Variants in PER1 observed in about 807,000 individuals in gnomAD.
The protein encoded by PER1 is period circadian regulator 1, also known as period circadian protein homolog 1.
In PER1, 87 loss-of-function variants were observed where a neutral mutation model predicts 125.9. That is an observed-to-expected ratio of 0.69 (90% CI 0.58 to 0.83). The LOEUF is 0.83. Among genes scored for constraint, PER1 ranks in the 40% least tolerant of loss-of-function variants. The pLI, the probability that PER1 is intolerant of heterozygous loss-of-function variation, is 0.00. For synonymous variants in PER1, 801 were observed against 714.7 expected (o/e 1.12, Z -1.93); for missense variants, 1,775 against 1,722.8 (o/e 1.03, Z -0.54).
chr17:8,149,265 C>A lies in PER1; in HGVS notation c.899G>T (p.Arg300Leu). 2.5e-6 allele frequency: 4 copies of A among 1,613,096 alleles called. No homozygotes were observed. Among genetic ancestry groups the A allele is most frequent in the Non-Finnish European group, 3.4e-6 (4 of 1,179,568 alleles). Residue 300 changes from arginine to leucine, a missense_variant, in exon 7 of 23, where the codon CGT becomes CTT. Coordinates refer to ENST00000317276, the MANE Select transcript of PER1 (RefSeq NM_002616.3). ...DFTQEKSVFC[R>L]IRGGPDRDPG... ...TCCAGTTCCCCTCACCTACCTGATA[C>A]GGCAGAAGACGGACTTCTCCTGGGT... is the stretch of plus-strand genomic sequence containing the variant.
Position 8,150,693 on chromosome 17 carries a change from AGGGGGC to A in PER1, c.8_13del (p.Gly3_Leu5delinsVal). On this transcript the variant is annotated inframe_deletion, in exon 2 of 23. Transcript: ENST00000317276. Reference sequence around the variant, plus strand: ...GTCCCCTCCCCCATCAGCCCCTTCTAGGGGGCCACTCATGTCTGGGCCATGGGGAGA... The same window carrying A: ...GTCCCCTCCCCCATCAGCCCCTTCTACACTCATGTCTGGGCCATGGGGAGA... 1.9e-6 allele frequency: 3 copies of A among 1,564,574 alleles called. No individual in the cohort carries two copies. The highest frequency in any genetic ancestry group is 1.2e-5 in the South Asian group (1 of 84,454).
At chr17:8,141,473 C>T in intron 22 of PER1, 133 bp from the exon 23 acceptor site, 1 of 1,071,908 alleles carries the variant, frequency 9.3e-7, no homozygotes, top group Non-Finnish European at 1.3e-6. Context: ...CACAGATGCA[C>T]CTGCGGTCCA....
At chr17:8,147,912 C>T in intron 10 of PER1, 85 bp from the exon 11 acceptor site, 1 of 1,584,096 alleles carries the variant, frequency 6.3e-7, no homozygotes, top group East Asian at 2.3e-5. Flanking sequence ...TCCAGGAGAC[C>T]AAGGCACCAA....
chr17:8,150,710 T>A lies in PER1; in HGVS notation c.-4A>T. On this transcript the variant is annotated 5_prime_UTR_variant, in exon 2 of 23. Coordinates refer to ENST00000317276, the MANE Select transcript of PER1 (RefSeq NM_002616.3). ...CCCCTTCTAGGGGGCCACTCATGTC[T>A]GGGCCATGGGGAGAACAGAACAGAG... 1 of 1,543,360 alleles carries A rather than the reference T, an allele frequency of 6.5e-7. No homozygotes were observed. Among genetic ancestry groups the A allele is most frequent in the Non-Finnish European group, 8.7e-7 (1 of 1,152,374 alleles).
Position 8,150,624 on chromosome 17 carries a change from G to A in PER1, c.83C>T (p.Pro28Leu), listed in dbSNP as rs1404334545. The A allele has an allele frequency of 8.1e-6, 13 of 1,612,764 alleles. No homozygotes were observed. Among genetic ancestry groups the A allele is most frequent in the Non-Finnish European group, 8.5e-6 (10 of 1,179,604 alleles). The change falls in exon 2 of 23, where the codon CCT becomes CTT. Residue 28 changes from proline (P) to leucine (L), a missense_variant. Coordinates refer to ENST00000317276, the MANE Select transcript of PER1 (RefSeq NM_002616.3). ...ESFCPGGVPS[P>L]GPPQHRPCPG... ...GCAAGGCCGGTGCTGTGGGGGCCCA[G>A]GGGATGGGACGCCCCCAGGACAAAA...
chr17:8,141,834 C>T lies in PER1; in HGVS notation c.3571G>A (p.Gly1191Ser), dbSNP rs1156737148. The change falls in exon 22 of 23, where the codon GGC (glycine) becomes AGC (serine). Residue 1191 changes from glycine to serine, a missense_variant. Gly to Ser is a moderately conservative substitution (Grantham distance 56). Coordinates refer to ENST00000317276, the MANE Select transcript of PER1 (RefSeq NM_002616.3). ...LGAVHSWVRKGQLPRALDVMA... is the reference protein window; with the variant it reads ...LGAVHSWVRKSQLPRALDVMA... ...ACATCAAGAGCCCGAGGCAGTTGGC[C>T]CTTCCGGACCCAGGAGTGCACAGCA... The T allele has an allele frequency of 6.2e-7, 1 of 1,614,008 alleles. No homozygotes were observed. The highest frequency in any genetic ancestry group is 1.3e-5 in the African/African-American group (1 of 74,984).
At chr17:8,149,175 T>C in intron 7 of PER1, 84 bp downstream of exon 7, 10 of 1,247,554 alleles carry the variant, frequency 8.0e-6, no homozygotes, top group Non-Finnish European at 1.2e-5. Flanking sequence ...GGTGACAGAG[T>C]GAGACTCCCT....
In PER1 at chr17:8,149,564, C is replaced by A; in HGVS notation, c.751G>T (p.Gly251Cys). ...LLRCKRDVFR[G>C]TRFSELLAPQ... The stretch of plus-strand genomic sequence containing the variant: ...GCCAGGAGCTCAGAGAAGCGGGTAC[C>A]CCGGAACACGTCCCGCTTGCAACGC... Residue 251 changes from glycine (G) to cysteine (C), a missense_variant, in exon 6 of 23, where the codon GGT (glycine) becomes TGT (cysteine). Transcript: ENST00000317276. The A allele has an allele frequency of 6.2e-7, 1 of 1,613,880 alleles. No individual in the cohort carries two copies.
chr17:8,149,497 G>C lies in PER1; in HGVS notation c.818C>G (p.Ser273Cys). The change falls in exon 6 of 23, where the codon TCT becomes TGT. Residue 273 changes from serine to cysteine, a missense_variant. By Grantham distance (112) the Ser-to-Cys change is moderately radical. Transcript: ENST00000317276. The part of the protein sequence containing the change: ...VGVFYGSTAP[S>C]RLPTWGTGAS... ...CCCTGTGCCCCAGGTGGGCAGGCGA[G>C]ATGGAGCAGTGGAACCATAGAAGAC... The C allele has an allele frequency of 1.2e-6, 2 of 1,613,852 alleles. No homozygotes were observed. The highest frequency in any genetic ancestry group is 2.2e-5 in the East Asian group (1 of 44,878).
At chr17:8,142,007 A>T in intron 21 of PER1, 52 bp from the exon 22 acceptor site, 2 of 1,606,958 alleles carry the variant, frequency 1.2e-6, no homozygotes. Flanking sequence ...GACCCGGACC[A>T]GGACCCATGA....
Position 8,149,536 on chromosome 17 carries a change from G to A in PER1, c.779C>T (p.Pro260Leu), listed in dbSNP as rs1204614099. Reference sequence around the variant, plus strand: ...ACCATAGAAGACTCCCACATCCTGGGGAGCCAGGAGCTCAGAGAAGCGGGT... The same window carrying A: ...ACCATAGAAGACTCCCACATCCTGGAGAGCCAGGAGCTCAGAGAAGCGGGT... ...RGTRFSELLA[P>L]QDVGVFYGST... Residue 260 changes from proline (P) to leucine (L), a missense_variant, in exon 6 of 23, where the codon CCC becomes CTC. Coordinates refer to ENST00000317276, the MANE Select transcript of PER1 (RefSeq NM_002616.3). The A allele has an allele frequency of 6.2e-7, 1 of 1,613,934 alleles. No individual in the cohort carries two copies. The highest frequency in any genetic ancestry group is 8.5e-7 in the Non-Finnish European group (1 of 1,179,996).
In PER1 at chr17:8,147,573, G is replaced by A. The variant is rs750959226; in HGVS notation, c.1394C>T (p.Pro465Leu). The A allele has an allele frequency of 1.1e-5, 17 of 1,613,388 alleles. No homozygotes were observed. In the Admixed American group the frequency reaches 2.0e-4, roughly 19 times the overall value. The stretch of plus-strand genomic sequence containing the variant: ...GGGAGTGAACACGTCCTCATTCAGG[G>A]GGGCCCTGTAGAGTGAAGAGTGAAT... ...VLGRHKVRTA[P>L]LNEDVFTPPA... Residue 465 changes from proline (P) to leucine (L), a missense_variant, in exon 12 of 23, where the codon CCC (proline) becomes CTC (leucine). Transcript: ENST00000317276.
rs917577732 is a variant in PER1, at chr17:8,143,639, G to A, written c.2699C>T (p.Pro900Leu). Residue 900 changes from proline to leucine, a missense_variant, in exon 19 of 23, where the codon CCT becomes CTT. Physicochemically the swap from Pro to Leu is moderately conservative, Grantham distance 98. Coordinates refer to ENST00000317276, the MANE Select transcript of PER1 (RefSeq NM_002616.3). ...SPRGGPQPLP[P>L]APTSVPPAAF... ...AGCTGGGGGCACAGATGTGGGAGCA[G>A]GGGGAAGAGGCTGGGGGCCTCCTCG... The A allele has an allele frequency of 1.4e-6, 2 of 1,451,236 alleles. No individual in the cohort carries two copies. The highest frequency in any genetic ancestry group is 1.4e-5 in the African/African-American group (1 of 70,032). The allele number at this position is 1,451,236 out of a possible 1,614,324, so 89.9% of individuals were successfully genotyped here.
intron 4 of PER1, 34 bp from the exon 5 acceptor site, chr17:8,149,910 G>C: frequency 6.2e-7 from 1 of 1,614,076 alleles, no homozygotes; most frequent in Non-Finnish European, 8.5e-7. Context: ...ATTCAGTAAG[G>C]AGGCTGCCTC....
rs141346567 is a variant in PER1 at position 8,142,775 on chromosome 17, G to A, written c.3133C>T (p.Leu1045Phe). 1 of 1,613,414 alleles carries A rather than the reference G, an allele frequency of 6.2e-7. No homozygotes were observed. Among genetic ancestry groups the A allele is most frequent in the African/African-American group, 1.3e-5 (1 of 74,928 alleles). ...ALSGSSDLLE[L>F]LLQEDSRSGT... The stretch of plus-strand genomic sequence containing the variant: ...GAGCGCGAGTCCTCTTGCAGCAGAA[G>A]TTCGAGCAGGTCACTGGAGCCGGAA... Residue 1045 changes from leucine to phenylalanine, a missense_variant, in exon 20 of 23, where the codon CTT (leucine) becomes TTT (phenylalanine). By Grantham distance (22) the Leu-to-Phe change is conservative (BLOSUM62 0). Transcript: ENST00000317276.
rs769247817 is a variant in PER1 at position 8,148,094 on chromosome 17, G to C, written c.1137C>G (p.Pro379=). 2 of 1,612,422 alleles carry C rather than the reference G, an allele frequency of 1.2e-6. No homozygotes were observed. The highest frequency in any genetic ancestry group is 1.7e-6 in the Non-Finnish European group (2 of 1,179,334). Residue 379 remains proline (P), a synonymous_variant, in exon 10 of 23, where the codon CCC becomes CCG. Transcript: ENST00000317276. Reference sequence around the variant, plus strand: ...GGTCCTGGGGCAGGTAGCCCAGCAGGGGGGCAGCCCTGAACGGGAAGGAGG... The same window carrying C: ...GGTCCTGGGGCAGGTAGCCCAGCAGCGGGGCAGCCCTGAACGGGAAGGAGG... ...LFQDVDERAA[P]LLGYLPQDLL...
In PER1 at chr17:8,149,611, G is replaced by T; in HGVS notation, c.704C>A (p.Ser235Ter). The part of the protein sequence containing the change: ...SFLTGRIVYI[S>*]EQAAVLLRCK... ...ACGCAGCAGGACGGCTGCCTGCTCC[G>T]AAATGTAGACGATTCGGCCCGTCAG... Residue 235 changes from serine (S) to a stop codon, truncating the protein, a stop_gained, in exon 6 of 23, where the codon TCG becomes TAG. Transcript: ENST00000317276. LOFTEE classifies it high-confidence loss of function. 1 of 1,612,844 alleles carries T rather than the reference G, an allele frequency of 6.2e-7. No homozygotes were observed. The highest frequency in any genetic ancestry group is 8.5e-7 in the Non-Finnish European group (1 of 1,178,900).
Position 8,149,778 on chromosome 17 carries a change from A to G in PER1, c.628T>C (p.Ser210Pro). ...YTLEELEHIT[S>P]EYTLQNQDTF... is the part of the protein sequence containing the mutation. The stretch of plus-strand genomic sequence containing the variant: ...ACCTGGTTCTGAAGTGTGTACTCAG[A>G]CGTGATGTGCTCCAGCTCCTCCAGG... Residue 210 changes from serine to proline, a missense_variant, in exon 5 of 23, where the codon TCT becomes CCT. Coordinates refer to ENST00000317276, the MANE Select transcript of PER1 (RefSeq NM_002616.3). 2 of 1,613,192 alleles carry G rather than the reference A, an allele frequency of 1.2e-6. No individual in the cohort carries two copies. The highest frequency in any genetic ancestry group is 1.7e-6 in the Non-Finnish European group (2 of 1,180,008).
At position 8,150,215 on chromosome 17, in the gene PER1, G is replaced by A. The variant is rs773713822; in HGVS notation, c.374+4C>T. 1.4e-5 allele frequency: 22 copies of A among 1,587,140 alleles called. No individual in the cohort carries two copies. The highest frequency in any genetic ancestry group is 3.4e-5 in the Admixed American group (2 of 58,732). The stretch of plus-strand genomic sequence containing the variant: ...GACCTCTCCTCCAGCCTCACCCGAC[G>A]TACCTGCAGCCACTGGTGGACGGGT... On this transcript the variant is annotated splice_donor_region_variant and intron_variant, in intron 3 of 22. Coordinates refer to ENST00000317276, the MANE Select transcript of PER1 (RefSeq NM_002616.3).
Sources: gnomAD v4.1 joint callset for allele counts on GRCh38, gnomAD v4.1.1 for gene constraint, MANE v1.5 for transcripts, NCBI Gene and HGNC (gene_info 2026-07-23, HGNC 2026-07-21) for gene names.